UPF2: variants seen among roughly 807,000 people sequenced by gnomAD.
UPF2 encodes the protein UPF2 regulator of nonsense mediated mRNA decay.
UPF2 carries 17 observed loss-of-function variants against 141.4 expected under a neutral mutation model. That is an observed-to-expected ratio of 0.12 (90% CI 0.08 to 0.18). UPF2 has a LOEUF of 0.18. Ranked by LOEUF, UPF2 falls within the 10% of genes least tolerant of loss-of-function variation. The pLI is 1.00. For missense variants in UPF2, 1,152 were observed against 1,515.9 expected, an observed-to-expected ratio of 0.76 and a Z score of 3.99; for synonymous variants, 540 against 498.0, an observed-to-expected ratio of 1.08 and a Z score of -1.12.
At chr10:11,958,982 T>C (rs930810396) in intron 12 of UPF2, among the ~76,000 whole-genome samples, 189 bp downstream of exon 12, 2 of 152,156 alleles carry the variant, frequency 1.3e-5, no homozygotes, top group Non-Finnish European at 2.9e-5. Context: ...AAAGTTATCA[T>C]AAAAGGAAAA....
intron 11 of UPF2, among the ~76,000 whole-genome samples, chr10:11,962,263 A>G (rs1325671290): frequency 2.0e-5 from 3 of 152,240 alleles, no homozygotes; most frequent in Non-Finnish European, 4.4e-5. Context: ...TTAAAAGGTT[A>G]TATGTCTTCT....
At chr10:11,988,444 T>C (rs1833729717) in intron 8 of UPF2, among the ~76,000 whole-genome samples, 1 of 152,164 alleles carries the variant, frequency 6.6e-6, no homozygotes. Flanking sequence ...CCCAAGTAGA[T>C]GGAACTACAG....
intron 5 of UPF2, among the ~76,000 whole-genome samples, chr10:12,002,369 TG>T (rs1324915644): frequency 6.6e-6 from 1 of 152,130 alleles, no homozygotes; most frequent in Non-Finnish European, 1.5e-5. Flanking sequence ...GATGACTGGA[TG>T]GAGAGAGATT....
At chr10:11,984,197 A>C (rs1020574781) in intron 8 of UPF2, among the ~76,000 whole-genome samples, 1 of 152,248 alleles carries the variant, frequency 6.6e-6, no homozygotes, top group African/African-American at 2.4e-5. Flanking sequence ...CTGGGATTAC[A>C]GGCGTGAGCC....
At chr10:11,966,567 G>C (rs2131205308) in intron 10 of UPF2, among the ~76,000 whole-genome samples, 1 of 152,234 alleles carries the variant, frequency 6.6e-6, no homozygotes, top group Middle Eastern at 3.4e-3. Flanking sequence ...TGGGATTACA[G>C]GTGCATACCA....
intron 3 of UPF2, among the ~76,000 whole-genome samples, chr10:12,021,735 C>T (rs1437942035): frequency 6.6e-6 from 1 of 152,106 alleles, no homozygotes; most frequent in Non-Finnish European, 1.5e-5. Context: ...TTATATATAA[C>T]ACATGGACAA....
At chr10:12,002,858 G>A (rs906818512) in intron 5 of UPF2, among the ~76,000 whole-genome samples, 4 of 152,030 alleles carry the variant, frequency 2.6e-5, no homozygotes, top group Non-Finnish European at 4.4e-5. Flanking sequence ...TAAAATTCTC[G>A]TAAATAAAAA....
intron 3 of UPF2, among the ~76,000 whole-genome samples, chr10:12,021,688 A>G (rs1316686814): frequency 6.6e-6 from 1 of 152,258 alleles, no homozygotes; most frequent in Non-Finnish European, 1.5e-5. Flanking sequence ...CATACAGAAC[A>G]TTCATTTTAA....
chr10:11,985,224 C>T (rs547541426), intron 8 of UPF2, among the ~76,000 whole-genome samples: 1 of 152,330 alleles, frequency 6.6e-6, no homozygotes, highest in South Asian at 2.1e-4. Context: ...TACAAAATAC[C>T]ACCCTGCTCT....
At chr10:11,966,817 C>A (rs1330630225) in intron 10 of UPF2, among the ~76,000 whole-genome samples, 1 of 152,214 alleles carries the variant, frequency 6.6e-6, no homozygotes, top group African/African-American at 2.4e-5. Context: ...CGGTAGCCAA[C>A]TGAGAAAAAA....
intron 3 of UPF2, among the ~76,000 whole-genome samples, chr10:12,027,647 A>G (rs1425162868): frequency 6.6e-6 from 1 of 152,184 alleles, no homozygotes; most frequent in African/African-American, 2.4e-5. Context: ...TCCTAAAAGA[A>G]CTATTGATAA....
In UPF2 at chr10:11,940,289, T is replaced by C. The variant is rs1832920856; in HGVS notation, c.3378+2376A>G. Among the ~76,000 whole-genome samples the C allele has an allele frequency of 6.6e-6, 1 of 152,224 alleles. No homozygotes were observed. The highest frequency in any genetic ancestry group is 2.4e-5 in the African/African-American group (1 of 41,460). On this transcript the variant is annotated intron_variant, in intron 18 of 21. Coordinates refer to ENST00000357604, the MANE Select transcript of UPF2 (RefSeq NM_015542.4). This position sits in a 1 kb window ranked among gnomAD's most constrained non-coding sequence, Gnocchi z 4.2. ...TATTGGACCATATCAAAAACTTCTA[T>C]TCCTTTGACTTCATCAGCTTTTCTA...
intron 15 of UPF2, among the ~76,000 whole-genome samples, chr10:11,951,634 G>C (rs1351925279): frequency 6.6e-6 from 1 of 152,112 alleles, no homozygotes; most frequent in Non-Finnish European, 1.5e-5. Context: ...AAATCCTGTA[G>C]GGTAGAGTTC....
At position 11,990,637 on chromosome 10, in the gene UPF2, G is replaced by T. The variant is rs1240245998; in HGVS notation, c.1844+7035C>A. Among the ~76,000 whole-genome samples the T allele has an allele frequency of 2.1e-5, 3 of 145,638 alleles. No homozygotes were observed. In the East Asian group the frequency reaches 6.0e-4, roughly 29 times the overall value. On this transcript the variant is annotated intron_variant, in intron 8 of 21. Transcript: ENST00000357604. ...GGAGCTTGCAGTGAGCCGAGATCAT[G>T]CCACTGCACTCCAGCCTGGGTGAAG...
intron 1 of UPF2, among the ~76,000 whole-genome samples, chr10:12,037,362 A>G (rs1834648879): frequency 1.3e-5 from 2 of 148,204 alleles, no homozygotes; most frequent in Non-Finnish European, 3.0e-5. Flanking sequence ...GATTACAGGT[A>G]TGAGCCACTG....
chr10:11,956,184 T>C lies in UPF2; in HGVS notation c.2574+136A>G. On this transcript the variant is annotated intron_variant, in intron 13 of 21. Coordinates refer to ENST00000357604, the MANE Select transcript of UPF2 (RefSeq NM_015542.4). The surrounding 1 kb of genome is among the most constrained non-coding windows in gnomAD (Gnocchi z 4.2). Reference sequence around the variant, plus strand: ...AAAAGAGGAAAGTGTTTACAGGAAATTCTTATAAAATGATTATCAGCTTTT... The same window carrying C: ...AAAAGAGGAAAGTGTTTACAGGAAACTCTTATAAAATGATTATCAGCTTTT... 4 of 852,568 alleles carry C rather than the reference T, an allele frequency of 4.7e-6. No homozygotes were observed. The highest frequency in any genetic ancestry group is 3.2e-5 in the South Asian group (2 of 62,906). The allele number at this position is 852,568 out of a possible 1,614,324, so 52.8% of individuals were successfully genotyped here. A position where few individuals can be genotyped will look rare whatever the true frequency, so the allele number is the denominator to read the frequency against.
chr10:12,010,651 A>C (rs751861912), intron 4 of UPF2, among the ~76,000 whole-genome samples: 1 of 152,184 alleles, frequency 6.6e-6, no homozygotes, highest in Non-Finnish European at 1.5e-5. Flanking sequence ...GTGACGAAGA[A>C]GGAAAGAGAA....
chr10:12,029,587 C>G, intron 2 of UPF2, 63 bp from the exon 3 acceptor site: 1 of 1,475,244 alleles, frequency 6.8e-7, no homozygotes, highest in East Asian at 2.3e-5. Flanking sequence ...TACACAAATC[C>G]CCTAAGAGTA....
chr10:12,018,053 A>T (rs535028636), intron 3 of UPF2, among the ~76,000 whole-genome samples: 9 of 152,368 alleles, frequency 5.9e-5, no homozygotes, highest in African/African-American at 2.2e-4. Context: ...TTGACATCTA[A>T]GTAATACACA....
Sources: allele counts gnomAD v4.1 joint callset (sites outside exome capture counted in the v4.1 genomes callset), GRCh38; gene constraint gnomAD v4.1.1; non-coding constraint Gnocchi (gnomAD v3.1); transcripts MANE v1.5; gene names NCBI Gene and HGNC (gene_info 2026-07-23, HGNC 2026-07-21).